PRKD1: variants seen among roughly 807,000 people sequenced by gnomAD.
PRKD1 encodes the protein protein kinase D1.
In PRKD1, 63 loss-of-function variants were observed where a neutral mutation model predicts 95.9. That is an observed-to-expected ratio of 0.66 (90% CI 0.54 to 0.81). The LOEUF (loss-of-function observed/expected upper bound fraction) is 0.81. Among genes scored for constraint, PRKD1 ranks in the 30% least tolerant of loss-of-function variants. The pLI is 0.00. For missense variants in PRKD1, 1,048 were observed against 1,165.3 expected (o/e 0.90, Z 1.47); for synonymous variants, 425 against 423.1 (o/e 1.00, Z -0.05).
At chr14:29,743,438 G>C (rs181385544) in intron 1 of PRKD1, among the ~76,000 whole-genome samples, 15 of 152,034 alleles carry the variant, frequency 9.9e-5, no homozygotes, top group African/African-American at 3.6e-4. Context: ...GAGAGAGAAA[G>C]CTAGTTTGAA....
Position 29,599,135 on chromosome 14 carries a change from A to G in PRKD1, c.2068-10T>C. On this transcript the variant is annotated splice_polypyrimidine_tract_variant and intron_variant, in intron 14 of 17. Transcript: ENST00000331968. ...GCAAAGCCACGAGTATCTGTAAAGAAGAATCACCAAAATTTCATTCCAGTT... is the reference window on the plus strand; with the variant it reads ...GCAAAGCCACGAGTATCTGTAAAGAGGAATCACCAAAATTTCATTCCAGTT... The G allele has an allele frequency of 1.2e-6, 2 of 1,604,270 alleles. No individual in the cohort carries two copies. Among genetic ancestry groups the G allele is most frequent in the Non-Finnish European group, 1.7e-6 (2 of 1,171,514 alleles).
At chr14:29,924,724 T>C (rs141006518) in intron 1 of PRKD1, among the ~76,000 whole-genome samples, 300 of 152,168 alleles carry the variant, frequency 2.0e-3, no homozygotes, top group African/African-American at 6.7e-3. Flanking sequence ...ACTCCTGTCA[T>C]CCTTCCTCAT....
chr14:29,576,487 A>G lies in PRKD1; in HGVS notation c.*751T>C, dbSNP rs1261117773. On this transcript the variant is annotated 3_prime_UTR_variant, in exon 18 of 18. Coordinates refer to ENST00000331968, the MANE Select transcript of PRKD1 (RefSeq NM_002742.3). ...AATGAGGTGGACACATATTTTGACA[A>G]GAATATTTTTTATTATTGAAAAATA... 1.3e-5 allele frequency: 2 copies of G among 152,604 alleles called. No individual in the cohort carries two copies. Among genetic ancestry groups the G allele is most frequent in the Admixed American group, 6.5e-5 (1 of 15,270 alleles). 9.5% of individuals were successfully genotyped at this position (152,604 alleles called of 1,614,324 possible).
chr14:29,602,396 T>C (rs959806837), intron 13 of PRKD1, among the ~76,000 whole-genome samples: 3 of 151,450 alleles, frequency 2.0e-5, no homozygotes, highest in Non-Finnish European at 2.9e-5. Flanking sequence ...CTGAATGATA[T>C]GAATCCTTAT....
intron 2 of PRKD1, among the ~76,000 whole-genome samples, chr14:29,679,497 G>A (rs941791056): frequency 6.6e-6 from 1 of 152,118 alleles, no homozygotes; most frequent in African/African-American, 2.4e-5. Flanking sequence ...TTAAAACAAA[G>A]TGGAATTCAT....
chr14:29,871,296 C>G (rs1893097498), intron 1 of PRKD1, among the ~76,000 whole-genome samples: 1 of 152,194 alleles, frequency 6.6e-6, no homozygotes, highest in Non-Finnish European at 1.5e-5. Context: ...CCTTCCTCTT[C>G]TAAACTACAA....
At chr14:29,637,015 T>C (rs983880641) in intron 6 of PRKD1, among the ~76,000 whole-genome samples, 1 of 152,200 alleles carries the variant, frequency 6.6e-6, no homozygotes, top group African/African-American at 2.4e-5. Flanking sequence ...AGATGCTCGT[T>C]TTCCGTTTTC....
chr14:29,747,763 G>A (rs1887296125), intron 1 of PRKD1, among the ~76,000 whole-genome samples: 1 of 151,952 alleles, frequency 6.6e-6, no homozygotes, highest in Non-Finnish European at 1.5e-5. Flanking sequence ...TTTATTTTGA[G>A]AGCCCAGTCT....
At chr14:29,803,991 C>T (rs757532067) in intron 1 of PRKD1, among the ~76,000 whole-genome samples, 1 of 152,096 alleles carries the variant, frequency 6.6e-6, no homozygotes, top group African/African-American at 2.4e-5. Context: ...CCTGTAATCC[C>T]AGCACTTTGG....
At chr14:29,777,008 G>T (rs926027011) in intron 1 of PRKD1, among the ~76,000 whole-genome samples, 2 of 152,158 alleles carry the variant, frequency 1.3e-5, no homozygotes, top group Admixed American at 6.5e-5. Context: ...TTAAAGAAAA[G>T]AATTTTCAAC....
chr14:29,832,938 T>C (rs763825032), intron 1 of PRKD1, among the ~76,000 whole-genome samples: 10 of 152,084 alleles, frequency 6.6e-5, no homozygotes, highest in Non-Finnish European at 1.5e-4. Context: ...TATGCAGCCT[T>C]CTTTCTCTCA....
chr14:29,749,397 C>A (rs45503700), intron 1 of PRKD1, among the ~76,000 whole-genome samples: 2,866 of 152,226 alleles, frequency 0.019, 58 homozygotes, highest in African/African-American at 0.057. Flanking sequence ...TATATGCCGG[C>A]TATGTCTGTA....
chr14:29,883,985 C>T (rs1201184545), intron 1 of PRKD1, among the ~76,000 whole-genome samples: 1 of 152,210 alleles, frequency 6.6e-6, no homozygotes, highest in African/African-American at 2.4e-5. Context: ...AGAGCATCAT[C>T]TGCAGAGATG....
chr14:29,667,761 C>T (rs567084882), intron 2 of PRKD1, among the ~76,000 whole-genome samples: 2 of 152,250 alleles, frequency 1.3e-5, no homozygotes, highest in Admixed American at 1.3e-4. Flanking sequence ...ACAATACTAT[C>T]ACAACGATTA....
chr14:29,812,790 A>G (rs769108000), intron 1 of PRKD1, among the ~76,000 whole-genome samples: 1 of 152,184 alleles, frequency 6.6e-6, no homozygotes, highest in Non-Finnish European at 1.5e-5. Context: ...GAGCCAAACC[A>G]TATCAGTTAT....
At chr14:29,867,233 GTTAATGTACTATAAGA>G (rs67688682) in intron 1 of PRKD1, among the ~76,000 whole-genome samples, 15,761 of 152,066 alleles carry the variant, frequency 0.1, 1,826 homozygotes, top group African/African-American at 0.29. Flanking sequence ...GTTTAGAACT[GTTAATGTACTATAAGA>G]AAAACAATGT....
In PRKD1 at chr14:29,896,351, C is replaced by T. The variant is rs1054009540; in HGVS notation, c.264+30898G>A. 2.8e-5 allele frequency among the ~76,000 whole-genome samples: 4 copies of T among 142,100 alleles called. No individual in the cohort carries two copies. In the Admixed American group the frequency reaches 2.8e-4, roughly 10 times the overall value. 93.2% of individuals were successfully genotyped at this position (142,100 alleles called of 152,430 possible). A position where few individuals can be genotyped will look rare whatever the true frequency, so the allele number is the denominator to read the frequency against. On this transcript the variant is annotated intron_variant, in intron 1 of 17. Transcript: ENST00000331968. ...AATTATAAGGTTTTTAAGGTTTCTA[C>T]AGGCATGTGTGTGTACACACACACA...
chr14:29,592,758 A>G (rs1893176098), intron 16 of PRKD1: 1 of 152,196 alleles, frequency 6.6e-6, no homozygotes, highest in African/African-American at 2.4e-5. Context: ...CTGAGACCTA[A>G]GAGAACAAGT....
chr14:29,816,909 T>C (rs1890716048), intron 1 of PRKD1, among the ~76,000 whole-genome samples: 1 of 152,202 alleles, frequency 6.6e-6, no homozygotes, highest in Non-Finnish European at 1.5e-5. Context: ...AGAAAATACA[T>C]ATAAACTATC....
Sources: gnomAD v4.1 joint callset for allele counts (sites outside exome capture counted in the v4.1 genomes callset) on GRCh38, gnomAD v4.1.1 for gene constraint, MANE v1.5 for transcripts, NCBI Gene and HGNC (gene_info 2026-07-23, HGNC 2026-07-21) for gene names.